The following HDGFL2 variants were observed in gnomAD, a reference collection of about 807,000 sequenced individuals.
HDGFL2 encodes the protein HDGF like 2.
HDGFL2 carries 36 observed loss-of-function variants against 77.1 expected under a neutral mutation model. The observed-to-expected ratio is 0.47, with a 90% confidence interval of 0.36 to 0.62. The LOEUF (loss-of-function observed/expected upper bound fraction) is 0.62, where lower values mean the gene tolerates loss of function less well. Among genes scored for constraint, HDGFL2 ranks in the 20% least tolerant of loss-of-function variants. The pLI is 0.00. For missense variants in HDGFL2, 976 were observed against 973.4 expected, an observed-to-expected ratio of 1.00 and a Z score of -0.04; for synonymous variants, 463 against 413.1, an observed-to-expected ratio of 1.12 and a Z score of -1.46.
chr19:4,472,861 T>C (rs1974979513), intron 1 of HDGFL2, among the ~76,000 whole-genome samples: 1 of 137,612 alleles, frequency 7.3e-6, no homozygotes, highest in Non-Finnish European at 1.6e-5. Flanking sequence ...CCTGGGGTTC[T>C]GGGGGTGTCC....
intron 3 of HDGFL2, among the ~76,000 whole-genome samples, chr19:4,485,407 G>A (rs558283354): frequency 2.0e-4 from 31 of 152,098 alleles, no homozygotes; most frequent in Middle Eastern, 3.4e-3. Context: ...ATCAGTTAAC[G>A]GACATTTGGG....
In HDGFL2 at chr19:4,499,565, C is replaced by T; in HGVS notation, c.1650C>T (p.Val550=). The change falls in exon 14 of 16, where the codon GTC becomes GTT. Residue 550 remains valine (V), a synonymous_variant. Coordinates refer to ENST00000616600, the MANE Select transcript of HDGFL2 (RefSeq NM_001001520.3). ...TCTATACCCGGCTCAAGTCGCGGGT[C>T]CTCGGCCCAAAGATCGAGGCGGTGC... The part of the protein sequence containing the change: ...AEVYTRLKSR[V]LGPKIEAVQK... 9 of 1,613,608 alleles carry T rather than the reference C, an allele frequency of 5.6e-6. No homozygotes were observed. The highest frequency in any genetic ancestry group is 7.6e-6 in the Non-Finnish European group (9 of 1,179,884).
In HDGFL2 at chr19:4,502,102, A is replaced by G. The variant is rs368159391; in HGVS notation, c.*92A>G. 1,618 of 895,748 alleles carry G rather than the reference A, an allele frequency of 1.8e-3. 5 individuals carry two copies. The highest frequency in any genetic ancestry group is 2.4e-3 in the Non-Finnish European group (1,329 of 563,312). The allele number at this position is 895,748 out of a possible 1,614,324, so 55.5% of individuals were successfully genotyped here. On this transcript the variant is annotated 3_prime_UTR_variant, in exon 16 of 16. Transcript: ENST00000616600. The stretch of plus-strand genomic sequence containing the variant: ...GAGAGCAGAGCAGAGAACTGTGGGG[A>G]ACGCTGTGCTGTTTGTATTTGTTCC...
Position 4,494,075 on chromosome 19 carries a change from G to A in HDGFL2, c.914+18G>A. On this transcript the variant is annotated intron_variant, in intron 8 of 15. Transcript: ENST00000616600. ...AGTGACAGGTGGGTGCTGGGGCTGG[G>A]GTCCCCTCTGGCGGCTCCTCCATCG... 1 of 1,579,772 alleles carries A rather than the reference G, an allele frequency of 6.3e-7. No homozygotes were observed. The highest frequency in any genetic ancestry group is 8.6e-7 in the Non-Finnish European group (1 of 1,163,460).
intron 3 of HDGFL2, among the ~76,000 whole-genome samples, chr19:4,484,388 T>C (rs2145174220): frequency 6.6e-6 from 1 of 152,262 alleles, no homozygotes; most frequent in South Asian, 2.1e-4. Context: ...CCGGCCTGTT[T>C]TATTATTATT....
At chr19:4,486,017 C>T (rs1233042388) in intron 3 of HDGFL2, among the ~76,000 whole-genome samples, 9 of 146,044 alleles carry the variant, frequency 6.2e-5, no homozygotes, top group Non-Finnish European at 1.2e-4. Flanking sequence ...CGCGCCACTG[C>T]ACTCCAGCCT....
At chr19:4,497,028 C>T in intron 10 of HDGFL2, 1 of 391,482 alleles carries the variant, frequency 2.6e-6, no homozygotes, top group Non-Finnish European at 5.1e-6. Context: ...GCACCCGCCA[C>T]CACGCCTGGC....
In HDGFL2 at chr19:4,499,716, G is replaced by A; in HGVS notation, c.1789+12G>A. 1.3e-6 allele frequency: 2 copies of A among 1,521,286 alleles called. No individual in the cohort carries two copies. Among genetic ancestry groups the A allele is most frequent in the Non-Finnish European group, 1.8e-6 (2 of 1,121,756 alleles). 94.2% of individuals were successfully genotyped at this position (1,521,286 alleles called of 1,614,324 possible). On this transcript the variant is annotated intron_variant, in intron 14 of 15. Coordinates refer to ENST00000616600, the MANE Select transcript of HDGFL2 (RefSeq NM_001001520.3). Reference sequence around the variant, plus strand: ...CAAGCCCAGCACCGGTGAGGGGCGGGTGGGGTGGGCCCTGTACCTCAGTCT... The same window carrying A: ...CAAGCCCAGCACCGGTGAGGGGCGGATGGGGTGGGCCCTGTACCTCAGTCT...
At chr19:4,498,499 G>A in intron 12 of HDGFL2, 123 bp downstream of exon 12, 2 of 786,274 alleles carry the variant, frequency 2.5e-6, no homozygotes, top group Non-Finnish European at 4.2e-6. Context: ...CCAGGAGTCT[G>A]TTCCGGTTGC....
intron 3 of HDGFL2, among the ~76,000 whole-genome samples, chr19:4,475,891 C>CT (rs34722390): frequency 1.1e-3 from 152 of 136,800 alleles, no homozygotes; most frequent in East Asian, 4.4e-3. Flanking sequence ...GTCCAAGTTT[C>CT]TTTTTTTTTT....
intron 11 of HDGFL2, 80 bp downstream of exon 11, chr19:4,498,111 C>G (rs1359920397): frequency 9.7e-6 from 13 of 1,335,854 alleles, no homozygotes; most frequent in Non-Finnish European, 1.3e-5. Flanking sequence ...CTGGCCTGTC[C>G]CGCCTGTCCC....
chr19:4,499,768 C>A, intron 14 of HDGFL2, 64 bp downstream of exon 14: 1 of 1,239,160 alleles, frequency 8.1e-7, no homozygotes, highest in Non-Finnish European at 1.1e-6. Flanking sequence ...AGATGCTTTG[C>A]AGAACATTCC....
Position 4,501,956 on chromosome 19 carries a change from G to A in HDGFL2, c.1962G>A (p.Arg654=). ...GPDLDRPGSD[R]QERERARGDS... The stretch of plus-strand genomic sequence containing the variant: ...ACCTGGACAGGCCTGGGAGCGACCG[G>A]CAGGAGCGCGAGAGGGCACGGGGGG... The change falls in exon 16 of 16, where the codon CGG becomes CGA. Residue 654 remains arginine, a synonymous_variant. Transcript: ENST00000616600. The A allele has an allele frequency of 2.0e-6, 3 of 1,502,356 alleles. No individual in the cohort carries two copies. The highest frequency in any genetic ancestry group is 2.5e-5 in the East Asian group (1 of 40,494). The allele number at this position is 1,502,356 out of a possible 1,614,324, so 93.1% of individuals were successfully genotyped here.
chr19:4,494,445 C>T lies in HDGFL2; in HGVS notation c.1194C>T (p.Asp398=), dbSNP rs1599720084. The change falls in exon 9 of 16, where the codon GAC becomes GAT. Residue 398 remains aspartate, a synonymous_variant. Coordinates refer to ENST00000616600, the MANE Select transcript of HDGFL2 (RefSeq NM_001001520.3). ...GRGRGPPSSS[D]SEPEAELERE... ...GCCGGGGTCCCCCGTCCTCCTCTGACTCCGAGCCCGAGGCCGAGCTGGAGA... is the reference window on the plus strand; with the variant it reads ...GCCGGGGTCCCCCGTCCTCCTCTGATTCCGAGCCCGAGGCCGAGCTGGAGA... The T allele has an allele frequency of 1.3e-5, 18 of 1,400,912 alleles. No individual in the cohort carries two copies. The highest frequency in any genetic ancestry group is 1.6e-5 in the Non-Finnish European group (17 of 1,082,732). 86.8% of individuals were successfully genotyped at this position (1,400,912 alleles called of 1,614,324 possible).
intron 12 of HDGFL2, 112 bp from the exon 13 acceptor site, chr19:4,498,702 T>TTC: frequency 1.3e-5 from 9 of 708,376 alleles, no homozygotes; most frequent in Non-Finnish European, 7.4e-6. Flanking sequence ...GTTCTGCAGA[T>TTC]ACAGCTCCCC....
At chr19:4,485,207 A>G (rs960214867) in intron 3 of HDGFL2, among the ~76,000 whole-genome samples, 1 of 152,066 alleles carries the variant, frequency 6.6e-6, no homozygotes, top group Admixed American at 6.6e-5. Context: ...TCCACCTTCT[A>G]TCTCTCTGGA....
intron 4 of HDGFL2, 50 bp downstream of exon 4, chr19:4,488,926 C>CT: frequency 7.6e-7 from 1 of 1,318,152 alleles, no homozygotes; most frequent in East Asian, 2.5e-5. Flanking sequence ...GCCCTGATGT[C>CT]TCGCCTGGCA....
At chr19:4,496,464 A>C in intron 10 of HDGFL2, 59 bp downstream of exon 10, 1 of 1,288,320 alleles carries the variant, frequency 7.8e-7, no homozygotes, top group Non-Finnish European at 1.1e-6. Flanking sequence ...TCACCCCACA[A>C]CCCTCACCCC....
rs1224448436 is a variant in HDGFL2 at position 4,494,186 on chromosome 19, G to T, written c.935G>T (p.Arg312Leu). ...SSDSDSDEVD[R>L]ISEWKRRDEA... is the part of the protein sequence containing the mutation. ...TCCAGTGACAGCGACGAGGTGGACC[G>T]CATCAGTGAGTGGAAGCGGCGGGAC... The change falls in exon 9 of 16, where the codon CGC (arginine) becomes CTC (leucine). Residue 312 changes from arginine (R) to leucine (L), a missense_variant. Around this residue, in one of 5 missense-constraint regions of HDGFL2, gnomAD observed 567 missense variants for 534.7 expected, o/e 1.06. Coordinates refer to ENST00000616600, the MANE Select transcript of HDGFL2 (RefSeq NM_001001520.3). 1.3e-6 allele frequency: 2 copies of T among 1,492,424 alleles called. No homozygotes were observed. 92.4% of individuals were successfully genotyped at this position (1,492,424 alleles called of 1,614,324 possible).
Sources: allele counts gnomAD v4.1 joint callset (sites outside exome capture counted in the v4.1 genomes callset), GRCh38; gene constraint gnomAD v4.1.1; regional missense constraint gnomAD v4.1.1; transcripts MANE v1.5; gene names NCBI Gene and HGNC (gene_info 2026-07-23, HGNC 2026-07-21).